CAB39L: variants seen among roughly 807,000 people sequenced by gnomAD.
CAB39L encodes calcium binding protein 39 like.
A neutral mutation model predicts 39.1 loss-of-function variants in CAB39L; 23 were observed. The observed-to-expected ratio is 0.59, with a 90% CI of 0.42 to 0.83. The LOEUF (loss-of-function observed/expected upper bound fraction) is 0.83. CAB39L is among the 40% of genes least tolerant of loss of function. The probability of loss-of-function intolerance (pLI) is 0.00; values close to 1 mark genes in which losing one functional copy is unlikely to be tolerated. For synonymous variants in CAB39L, 126 were observed against 137.2 expected, an observed-to-expected ratio of 0.92 and a Z score of 0.57; for missense variants, 366 against 391.9, an observed-to-expected ratio of 0.93 and a Z score of 0.56.
intron 6 of CAB39L, among the ~76,000 whole-genome samples, chr13:49,351,999 A>G (rs180936990): frequency 9.7e-4 from 147 of 152,316 alleles, no homozygotes; most frequent in African/African-American, 3.4e-3. Flanking sequence ...TCTAAGTAGA[A>G]AGGTCTCCTT....
intron 10 of CAB39L, among the ~76,000 whole-genome samples, chr13:49,315,957 C>A (rs114909310): frequency 0.021 from 3,174 of 149,532 alleles, 89 homozygotes; most frequent in African/African-American, 0.063. Context: ...GCTTAAGGAA[C>A]TAGGAAGAGA....
At chr13:49,319,397 C>G (rs1261968692) in intron 10 of CAB39L, among the ~76,000 whole-genome samples, 1 of 152,010 alleles carries the variant, frequency 6.6e-6, no homozygotes, top group Non-Finnish European at 1.5e-5. Context: ...TAGGCAGATC[C>G]ATGGAGCCAG....
At chr13:49,406,422 C>T (rs539752210) in intron 3 of CAB39L, among the ~76,000 whole-genome samples, 414 of 149,070 alleles carry the variant, frequency 2.8e-3, no homozygotes, top group African/African-American at 9.4e-3. Context: ...CCTCTTGATC[C>T]GCCTACCTCG....
intron 1 of CAB39L, among the ~76,000 whole-genome samples, chr13:49,438,285 T>G (rs1403859795): frequency 6.6e-6 from 1 of 152,160 alleles, no homozygotes; most frequent in African/African-American, 2.4e-5. Context: ...TTTCCTCCCA[T>G]TTTTTTGCGG....
chr13:49,332,755 T>C (rs1260469043), intron 9 of CAB39L, among the ~76,000 whole-genome samples: 1 of 152,016 alleles, frequency 6.6e-6, no homozygotes, highest in African/African-American at 2.4e-5. Context: ...GCTGAATGTA[T>C]TGTTGCTCTA....
At chr13:49,393,288 G>C (rs1956529471) in intron 3 of CAB39L, among the ~76,000 whole-genome samples, 1 of 151,984 alleles carries the variant, frequency 6.6e-6, no homozygotes, top group Non-Finnish European at 1.5e-5. Flanking sequence ...AGCATATTTT[G>C]ATCATACTGC....
At chr13:49,353,976 T>G (rs192709628) in intron 6 of CAB39L, among the ~76,000 whole-genome samples, 145 of 152,310 alleles carry the variant, frequency 9.5e-4, no homozygotes, top group Non-Finnish European at 1.6e-3. Context: ...TAGAGTACTC[T>G]AATGAGAGTC....
chr13:49,329,544 A>ATAT (rs1435309431), intron 10 of CAB39L, among the ~76,000 whole-genome samples: 1 of 33,796 alleles, frequency 3.0e-5, no homozygotes, highest in Non-Finnish European at 5.0e-5. Flanking sequence ...TAAAAAAAAA[A>ATAT]ATATATATAT....
chr13:49,356,935 G>T (rs922749643), intron 6 of CAB39L, among the ~76,000 whole-genome samples: 2 of 151,936 alleles, frequency 1.3e-5, no homozygotes, highest in African/African-American at 4.8e-5. Flanking sequence ...TGTAGTCCCA[G>T]CTACTCAGGA....
chr13:49,413,866 T>A (rs1465685871), intron 3 of CAB39L: 2 of 152,192 alleles, frequency 1.3e-5, no homozygotes, highest in Non-Finnish European at 2.9e-5. Flanking sequence ...CCTGCTGGAT[T>A]TTCCCTGTGC....
chr13:49,418,720 G>A (rs1375571300), intron 3 of CAB39L, among the ~76,000 whole-genome samples: 1 of 151,874 alleles, frequency 6.6e-6, no homozygotes, highest in African/African-American at 2.4e-5. Context: ...GTGCAACCAT[G>A]CCCGGCTAAT....
intron 9 of CAB39L, among the ~76,000 whole-genome samples, chr13:49,333,744 T>C (rs1954775330): frequency 6.6e-6 from 1 of 151,640 alleles, no homozygotes; most frequent in Admixed American, 6.6e-5. Flanking sequence ...GCTAATTTTT[T>C]AGTATTTTTA....
chr13:49,389,208 C>G (rs1371499166), intron 3 of CAB39L, among the ~76,000 whole-genome samples: 1 of 152,144 alleles, frequency 6.6e-6, no homozygotes, highest in African/African-American at 2.4e-5. Context: ...CCAGTAATCC[C>G]ACTTCTGGGT....
chr13:49,387,402 A>G (rs12716689), intron 3 of CAB39L, among the ~76,000 whole-genome samples: 81,059 of 151,748 alleles, frequency 0.53, 22,915 homozygotes, highest in African/African-American at 0.7. Flanking sequence ...CAGTGGGGAC[A>G]GGAAAAGACG....
intron 3 of CAB39L, among the ~76,000 whole-genome samples, chr13:49,426,112 T>C (rs58182759): frequency 0.068 from 10,342 of 152,202 alleles, 531 homozygotes; most frequent in South Asian, 0.26. Flanking sequence ...ACAAATCTTT[T>C]TCAGATAAGC....
At chr13:49,377,747 T>C (rs1421046849) in intron 4 of CAB39L, among the ~76,000 whole-genome samples, 1 of 84,000 alleles carries the variant, frequency 1.2e-5, no homozygotes, top group Non-Finnish European at 2.4e-5. Context: ...CACTACAACC[T>C]ACACCTCCCA....
At chr13:49,322,140 C>T (rs1954366234) in intron 10 of CAB39L, among the ~76,000 whole-genome samples, 2 of 152,098 alleles carry the variant, frequency 1.3e-5, no homozygotes, top group African/African-American at 4.8e-5. Context: ...AGCAGTCGCC[C>T]GCCCCCTCCG....
In CAB39L at chr13:49,382,950, A is replaced by G. The variant is rs1312460501; in HGVS notation, c.-31-9T>C. On this transcript the variant is annotated splice_polypyrimidine_tract_variant and intron_variant, in intron 3 of 10. Transcript: ENST00000409308. ...TCTTCCAATATGGAATGCTAAAAAC[A>G]AATAAGCCAACAAAAATTATAACTT... is the stretch of plus-strand genomic sequence containing the variant. 6.8e-6 allele frequency: 8 copies of G among 1,176,674 alleles called. No individual in the cohort carries two copies. Among genetic ancestry groups the G allele is most frequent in the Non-Finnish European group, 8.7e-6 (7 of 805,854 alleles). The allele number at this position is 1,176,674 out of a possible 1,614,324, so 72.9% of individuals were successfully genotyped here. A position where few individuals can be genotyped will look rare whatever the true frequency, so the allele number is the denominator to read the frequency against.
intron 5 of CAB39L, among the ~76,000 whole-genome samples, chr13:49,360,752 A>C (rs1024078157): frequency 2.0e-5 from 3 of 152,046 alleles, no homozygotes; most frequent in Admixed American, 2.0e-4. Context: ...ATGATAGTGA[A>C]TCAGTTCTCA....
Sources: gnomAD v4.1 joint callset for allele counts (sites outside exome capture counted in the v4.1 genomes callset) on GRCh38, gnomAD v4.1.1 for gene constraint, MANE v1.5 for transcripts, NCBI Gene and HGNC (gene_info 2026-07-23, HGNC 2026-07-21) for gene names.